DLC1: variants seen among roughly 807,000 people sequenced by gnomAD.
DLC1 encodes the protein DLC1 Rho GTPase activating protein.
A neutral mutation model predicts 140.3 loss-of-function variants in DLC1; 54 were observed. The observed-to-expected ratio is 0.38, with a 90% confidence interval of 0.31 to 0.48. DLC1 has a LOEUF of 0.48. Ranked by LOEUF, DLC1 falls within the 20% of genes least tolerant of loss-of-function variation. DLC1 has a pLI of 0.96. For missense variants in DLC1, 2,536 were observed against 1,907.0 expected, an observed-to-expected ratio of 1.33 and a Z score of -6.14; for synonymous variants, 986 against 728.1, an observed-to-expected ratio of 1.35 and a Z score of -5.70.
chr8:13,108,040 A>G (rs1346083163), intron 7 of DLC1, among the ~76,000 whole-genome samples: 1 of 152,078 alleles, frequency 6.6e-6, no homozygotes, highest in Non-Finnish European at 1.5e-5. Flanking sequence ...GTGAGACTCC[A>G]TCTCAAAAAA....
intron 5 of DLC1, among the ~76,000 whole-genome samples, chr8:13,272,955 A>C (rs1381185618): frequency 1.3e-5 from 2 of 152,248 alleles, no homozygotes; most frequent in Admixed American, 1.3e-4. Context: ...TTATCCTTTT[A>C]TGTAATTCAT....
intron 1 of DLC1, among the ~76,000 whole-genome samples, chr8:13,602,038 T>G (rs565479562): frequency 6.6e-6 from 1 of 151,812 alleles, no homozygotes; most frequent in South Asian, 2.1e-4. Flanking sequence ...TCCTGATGGA[T>G]GAACACAAGG....
intron 3 of DLC1, among the ~76,000 whole-genome samples, chr8:13,397,672 T>TAA (rs57069875): frequency 0.013 from 1,875 of 145,174 alleles, 43 homozygotes; most frequent in African/African-American, 0.044. Context: ...CTACAAAAAT[T>TAA]AAAAAAAAAA....
chr8:13,241,139 G>C (rs535459298), intron 5 of DLC1, among the ~76,000 whole-genome samples: 1 of 152,282 alleles, frequency 6.6e-6, no homozygotes, highest in African/African-American at 2.4e-5. Context: ...GAAGAATACT[G>C]CCCTTCAATA....
chr8:13,266,543 G>A (rs916330461), intron 5 of DLC1, among the ~76,000 whole-genome samples: 1 of 151,998 alleles, frequency 6.6e-6, no homozygotes, highest in Non-Finnish European at 1.5e-5. Context: ...TCAGGAGTTC[G>A]AGACCAGCCT....
At chr8:13,421,014 C>A (rs1005664774) in intron 2 of DLC1, among the ~76,000 whole-genome samples, 1 of 152,094 alleles carries the variant, frequency 6.6e-6, no homozygotes, top group Non-Finnish European at 1.5e-5. Context: ...GTGGGTCTCT[C>A]CGGTATGGAC....
intron 2 of DLC1, among the ~76,000 whole-genome samples, chr8:13,440,293 T>C (rs1798447522): frequency 6.6e-6 from 1 of 152,218 alleles, no homozygotes; most frequent in African/African-American, 2.4e-5. Flanking sequence ...TAATGGTCTC[T>C]GGAGACTTCA....
intron 5 of DLC1, among the ~76,000 whole-genome samples, chr8:13,125,832 A>G (rs1278961666): frequency 6.6e-6 from 1 of 151,868 alleles, no homozygotes; most frequent in Admixed American, 6.6e-5. Flanking sequence ...AAAGGAGGGG[A>G]AAAAGGACCC....
chr8:13,100,544 C>T lies in DLC1; in HGVS notation c.1793G>A (p.Ser598Asn), dbSNP rs1818975894. Residue 598 changes from serine (S) to asparagine (N), a missense_variant, in exon 9 of 18, where the codon AGC becomes AAC. Transcript: ENST00000276297. ...RQEVSSVRSL[S>N]STGSLPSHAP... ...GTGGCTGGGGAGGCTGCCAGTGCTG[C>T]TGAGGCTGCGGACGGAAGACACCTC... 1 of 1,613,160 alleles carries T rather than the reference C, an allele frequency of 6.2e-7. No homozygotes were observed. Among genetic ancestry groups the T allele is most frequent in the East Asian group, 2.2e-5 (1 of 44,876 alleles).
At chr8:13,582,516 C>G (rs968441322) in intron 1 of DLC1, among the ~76,000 whole-genome samples, 1 of 151,962 alleles carries the variant, frequency 6.6e-6, no homozygotes, top group African/African-American at 2.4e-5. Flanking sequence ...TTAGACTGGC[C>G]TGGGCTCCCA....
chr8:13,138,921 T>C (rs1199854924), intron 5 of DLC1, among the ~76,000 whole-genome samples: 2 of 152,190 alleles, frequency 1.3e-5, no homozygotes, highest in African/African-American at 4.8e-5. Context: ...AGACCTTCTA[T>C]TGATTACAAC....
At chr8:13,408,966 A>G (rs1214640423) in intron 2 of DLC1, among the ~76,000 whole-genome samples, 2 of 152,168 alleles carry the variant, frequency 1.3e-5, no homozygotes, top group East Asian at 1.9e-4. Context: ...AACAACAAAA[A>G]AAGACATAAG....
upstream of DLC1, chr8:13,515,475 C>A (rs537346263): frequency 1.3e-5 from 2 of 152,288 alleles, no homozygotes; most frequent in African/African-American, 4.8e-5. Flanking sequence ...TCAGAATCCT[C>A]CAGTTACAAA....
At chr8:13,362,805 C>G (rs926370544) in intron 4 of DLC1, among the ~76,000 whole-genome samples, 27 of 152,234 alleles carry the variant, frequency 1.8e-4, no homozygotes, top group Non-Finnish European at 5.9e-5. Flanking sequence ...AGGGCCTTTG[C>G]CCCGGATATT....
chr8:13,089,029 C>T (rs555081615), intron 15 of DLC1, among the ~76,000 whole-genome samples: 6 of 151,624 alleles, frequency 4.0e-5, no homozygotes, highest in East Asian at 2.0e-4. Flanking sequence ...GAAGCCGAGG[C>T]GGGTGGATCA....
chr8:13,307,081 CAAAAAAAA>C (rs34372620), intron 4 of DLC1, among the ~76,000 whole-genome samples: 1 of 70,148 alleles, frequency 1.4e-5, no homozygotes, highest in Non-Finnish European at 2.4e-5. Flanking sequence ...GAGACTCTGT[CAAAAAAAA>C]AAAAAAAAAA....
chr8:13,399,860 G>T (rs1184811822), intron 3 of DLC1, among the ~76,000 whole-genome samples: 1 of 152,096 alleles, frequency 6.6e-6, no homozygotes, highest in Admixed American at 6.6e-5. Context: ...TGGGGTAGGG[G>T]GGCGGTGAGT....
intron 4 of DLC1, among the ~76,000 whole-genome samples, chr8:13,334,852 C>T (rs1411516649): frequency 6.6e-6 from 1 of 152,158 alleles, no homozygotes; most frequent in African/African-American, 2.4e-5. Flanking sequence ...TTATCAATGC[C>T]TATTATGTGG....
chr8:13,438,934 T>C (rs6993600), intron 2 of DLC1, among the ~76,000 whole-genome samples: 2,747 of 152,328 alleles, frequency 0.018, 85 homozygotes, highest in African/African-American at 0.063. Flanking sequence ...ATATGATCTC[T>C]GTTGTGACTA....
Sources: allele counts gnomAD v4.1 joint callset (sites outside exome capture counted in the v4.1 genomes callset), GRCh38; gene constraint gnomAD v4.1.1; transcripts MANE v1.5; gene names NCBI Gene and HGNC (gene_info 2026-07-23, HGNC 2026-07-21).